Variants in HS6ST3 observed in about 807,000 individuals in gnomAD.
HS6ST3 encodes the protein heparan sulfate 6-O-sulfotransferase 3.
Under a neutral mutation model 36.7 loss-of-function variants are expected in HS6ST3, and 12 were observed. That is an observed-to-expected ratio of 0.33 (90% confidence interval 0.21 to 0.53). HS6ST3 has a LOEUF of 0.53. Ranked by LOEUF, HS6ST3 falls within the 20% of genes least tolerant of loss-of-function variation. HS6ST3 has a pLI of 0.95. For synonymous variants in HS6ST3, 240 were observed against 257.5 expected (o/e 0.93, Z 0.65); for missense variants, 584 against 640.9 (o/e 0.91, Z 0.96).
chr13:96,570,260 C>G (rs1235312730), intron 1 of HS6ST3, among the ~76,000 whole-genome samples: 1 of 152,084 alleles, frequency 6.6e-6, no homozygotes, highest in Non-Finnish European at 1.5e-5. Context: ...TAATTTGGGG[C>G]CTACATTTTT....
intron 1 of HS6ST3, among the ~76,000 whole-genome samples, chr13:96,733,715 T>C (rs894306922): frequency 1.3e-5 from 2 of 152,244 alleles, no homozygotes; most frequent in Non-Finnish European, 2.9e-5. Context: ...ATGTCATAGA[T>C]AATGTAATGA....
At chr13:96,805,611 A>G (rs1451717173) in intron 1 of HS6ST3, among the ~76,000 whole-genome samples, 1 of 152,222 alleles carries the variant, frequency 6.6e-6, no homozygotes, top group Non-Finnish European at 1.5e-5. Flanking sequence ...GTTGGTGTTA[A>G]CCCATGATAT....
chr13:96,697,726 T>A (rs967831626), intron 1 of HS6ST3, among the ~76,000 whole-genome samples: 1 of 152,188 alleles, frequency 6.6e-6, no homozygotes, highest in African/African-American at 2.4e-5. Flanking sequence ...TATGACTTTT[T>A]CGATAAGATA....
In HS6ST3 at chr13:96,723,771, T is replaced by C. The variant is rs1320321461; in HGVS notation, c.708-108719T>C. Among the ~76,000 whole-genome samples, 3 of 152,242 alleles carry C rather than the reference T, an allele frequency of 2.0e-5. No individual in the cohort carries two copies. In the East Asian group the frequency reaches 5.8e-4, roughly 29 times the overall value. On this transcript the variant is annotated intron_variant, in intron 1 of 1. Coordinates refer to ENST00000376705, the MANE Select transcript of HS6ST3 (RefSeq NM_153456.4). Reference sequence around the variant, plus strand: ...TTTTGGTTTAACCAGCAGTTTGTAATGTAAGGCATTTTACATGACATTTCT... The same window carrying C: ...TTTTGGTTTAACCAGCAGTTTGTAACGTAAGGCATTTTACATGACATTTCT...
intron 1 of HS6ST3, among the ~76,000 whole-genome samples, chr13:96,758,470 C>A (rs978459072): frequency 6.6e-6 from 1 of 151,158 alleles, no homozygotes; most frequent in Non-Finnish European, 1.5e-5. Context: ...TTTTGTTTTT[C>A]TTTTTCTATT....
intron 1 of HS6ST3, among the ~76,000 whole-genome samples, chr13:96,407,112 A>C (rs1411626202): frequency 6.6e-6 from 1 of 152,182 alleles, no homozygotes; most frequent in Non-Finnish European, 1.5e-5. Flanking sequence ...TTTGAAATGA[A>C]TGTATTTGTT....
chr13:96,413,350 AAC>A (rs1405285625), intron 1 of HS6ST3, among the ~76,000 whole-genome samples: 1 of 152,228 alleles, frequency 6.6e-6, no homozygotes, highest in Admixed American at 6.5e-5. Flanking sequence ...TATAAAACTG[AAC>A]AGACTAAAGC....
rs74576616 is a variant in HS6ST3 at position 96,358,241 on chromosome 13, A to T, written c.707+266672A>T. Among the ~76,000 whole-genome samples the T allele has an allele frequency of 1.2e-3, 187 of 152,268 alleles. 1 individual carries two copies. Among genetic ancestry groups the T allele is most frequent in the African/African-American group, 4.3e-3 (178 of 41,526 alleles). ...CATTTTAATAATTGATCAGACAAGG[A>T]TCATCAGTGAATACTAAATCTTTTG... On this transcript the variant is annotated intron_variant, in intron 1 of 1. Coordinates refer to ENST00000376705, the MANE Select transcript of HS6ST3 (RefSeq NM_153456.4).
intron 1 of HS6ST3, among the ~76,000 whole-genome samples, chr13:96,370,106 A>AG (rs1359007837): frequency 6.6e-6 from 1 of 152,156 alleles, no homozygotes; most frequent in Non-Finnish European, 1.5e-5. Context: ...AAAAACAAAA[A>AG]CAAAAGAGAA....
intron 1 of HS6ST3, among the ~76,000 whole-genome samples, chr13:96,288,305 A>C (rs571068177): frequency 9.8e-5 from 15 of 152,294 alleles, no homozygotes; most frequent in African/African-American, 3.6e-4. Flanking sequence ...CCTCTGAACA[A>C]ATTATTAAAA....
chr13:96,207,338 T>A (rs2054375765), intron 1 of HS6ST3, among the ~76,000 whole-genome samples: 1 of 151,912 alleles, frequency 6.6e-6, no homozygotes, highest in Non-Finnish European at 1.5e-5. Flanking sequence ...GAAAAAGGAA[T>A]GCTTTTCCTT....
chr13:96,509,969 C>T (rs2056042436), intron 1 of HS6ST3, among the ~76,000 whole-genome samples: 1 of 152,098 alleles, frequency 6.6e-6, no homozygotes, highest in Non-Finnish European at 1.5e-5. Context: ...TTCTCCCAAT[C>T]CATGAGCATG....
intron 1 of HS6ST3, among the ~76,000 whole-genome samples, chr13:96,796,720 G>A (rs1043263701): frequency 2.6e-5 from 4 of 152,166 alleles, no homozygotes; most frequent in Admixed American, 1.3e-4. Flanking sequence ...ATTAGGGTAC[G>A]TGAAAGTACC....
intron 1 of HS6ST3, among the ~76,000 whole-genome samples, chr13:96,476,027 G>A (rs2138894214): frequency 6.6e-6 from 1 of 152,324 alleles, no homozygotes; most frequent in East Asian, 1.9e-4. Flanking sequence ...AGACGCCTTG[G>A]AGGCTGGTAA....
chr13:96,333,447 GA>G (rs1186408479), intron 1 of HS6ST3, among the ~76,000 whole-genome samples: 2 of 152,182 alleles, frequency 1.3e-5, no homozygotes, highest in Admixed American at 1.3e-4. Context: ...CAAGACCAAG[GA>G]AAGGTGACCA....
intron 1 of HS6ST3, among the ~76,000 whole-genome samples, chr13:96,158,349 T>TC (rs1274069715): frequency 1.3e-5 from 2 of 151,846 alleles, no homozygotes; most frequent in African/African-American, 4.8e-5. Flanking sequence ...AAGTGGAGCC[T>TC]CCCAAGGTAT....
chr13:96,554,969 A>G lies in HS6ST3; in HGVS notation c.708-277521A>G, dbSNP rs550925493. Among the ~76,000 whole-genome samples the G allele has an allele frequency of 7.2e-5, 11 of 152,134 alleles. No homozygotes were observed. The South Asian group carries it at 2.1e-3, about 29-fold the overall frequency. ...GTGTTGTACACCTGTAGTTCCAGAT[A>G]CTTGGGAGGCTGAGGTGGGAGAATT... On this transcript the variant is annotated intron_variant, in intron 1 of 1. Coordinates refer to ENST00000376705, the MANE Select transcript of HS6ST3 (RefSeq NM_153456.4).
At chr13:96,168,316 A>G (rs1340320347) in intron 1 of HS6ST3, among the ~76,000 whole-genome samples, 1 of 152,204 alleles carries the variant, frequency 6.6e-6, no homozygotes, top group Non-Finnish European at 1.5e-5. Context: ...TTTCTGGTAC[A>G]CAAAGGCATA....
intron 1 of HS6ST3, among the ~76,000 whole-genome samples, chr13:96,247,714 C>T (rs941504392): frequency 4.6e-5 from 7 of 152,122 alleles, no homozygotes; most frequent in Admixed American, 2.6e-4. Context: ...TTTCCTCCTT[C>T]CCTTCCTTTT....
Sources: gnomAD v4.1 joint callset for allele counts (sites outside exome capture counted in the v4.1 genomes callset) on GRCh38, gnomAD v4.1.1 for gene constraint, MANE v1.5 for transcripts, NCBI Gene and HGNC (gene_info 2026-07-23, HGNC 2026-07-21) for gene names.